MCPH1: variants seen among roughly 807,000 people sequenced by gnomAD.
The protein encoded by MCPH1 is microcephalin.
MCPH1 carries 104 observed loss-of-function variants against 84.5 expected under a neutral mutation model. The ratio of observed to expected loss-of-function variants is 1.23; its 90% CI spans 1.05 to 1.45. The LOEUF (loss-of-function observed/expected upper bound fraction) is 1.45. Among genes scored for constraint, MCPH1 ranks in the 40% most tolerant of loss-of-function variants. The probability of loss-of-function intolerance (pLI) is 0.00; values close to 1 mark genes in which losing one functional copy is unlikely to be tolerated. For synonymous variants in MCPH1, 514 were observed against 366.8 expected, an observed-to-expected ratio of 1.40 and a Z score of -4.58; for missense variants, 1,498 against 1,005.7, an observed-to-expected ratio of 1.49 and a Z score of -6.62.
At chr8:6,632,775 C>T (rs139060989) in intron 13 of MCPH1, among the ~76,000 whole-genome samples, 89 of 152,088 alleles carry the variant, frequency 5.9e-4, no homozygotes, top group African/African-American at 1.9e-3. Context: ...CGCCATTGCA[C>T]TCCAGCCTAG....
rs1828718543 is a variant in MCPH1, at chr8:6,593,952, G to A, written c.2215-27502G>A. 2.0e-5 allele frequency among the ~76,000 whole-genome samples: 3 copies of A among 152,236 alleles called. No homozygotes were observed. In the South Asian group the frequency reaches 6.2e-4, roughly 32 times the overall value. ...CTGGCACTCTGTCAGGTAGACAGAA[G>A]CATGGATAGAAGGCTGGTGGTGAGC... On this transcript the variant is annotated intron_variant, in intron 12 of 13. Coordinates refer to ENST00000344683, the MANE Select transcript of MCPH1 (RefSeq NM_024596.5).
intron 2 of MCPH1, among the ~76,000 whole-genome samples, chr8:6,411,431 G>C (rs1034982099): frequency 1.3e-5 from 2 of 152,230 alleles, no homozygotes; most frequent in African/African-American, 4.8e-5. Flanking sequence ...CTAATTTTCA[G>C]CCGTAAAGTG....
At chr8:6,495,636 C>T (rs1033153291) in intron 11 of MCPH1, among the ~76,000 whole-genome samples, 9 of 152,094 alleles carry the variant, frequency 5.9e-5, no homozygotes, top group East Asian at 3.8e-4. Context: ...ACTTTTGTTA[C>T]GCTTATAATA....
At chr8:6,447,697 C>G (rs1421117687) in intron 8 of MCPH1, among the ~76,000 whole-genome samples, 1 of 152,016 alleles carries the variant, frequency 6.6e-6, no homozygotes, top group Non-Finnish European at 1.5e-5. Context: ...TTACAGGCAC[C>G]CATCACCATG....
intron 12 of MCPH1, among the ~76,000 whole-genome samples, chr8:6,572,459 C>A (rs890465006): frequency 2.0e-5 from 3 of 152,178 alleles, no homozygotes; most frequent in Non-Finnish European, 2.9e-5. Context: ...ATTGTTATTA[C>A]AATTGTTAAT....
At chr8:6,627,416 G>A (rs1050013010) in intron 13 of MCPH1, 7 of 344,908 alleles carry the variant, frequency 2.0e-5, no homozygotes, top group East Asian at 1.7e-4. Context: ...TCCACACCCA[G>A]GAGCTCAGCA....
intron 12 of MCPH1, among the ~76,000 whole-genome samples, chr8:6,547,794 G>C (rs78526720): frequency 0.011 from 1,681 of 152,238 alleles, 41 homozygotes; most frequent in African/African-American, 0.038. Flanking sequence ...TGGGAATGCG[G>C]GGCCAGGGGA....
rs1303977549 is a variant in MCPH1, at chr8:6,505,427, AAT to A, written c.2214+5507_2214+5508del. 2.4e-3 allele frequency among the ~76,000 whole-genome samples: 173 copies of A among 73,400 alleles called. 26 individuals are homozygous for A. Among genetic ancestry groups the A allele is most frequent in the African/African-American group, 7.9e-3 (168 of 21,172 alleles). The allele number at this position is 73,400 out of a possible 152,430, so 48.2% of individuals were successfully genotyped here. On this transcript the variant is annotated intron_variant, in intron 12 of 13. Coordinates refer to ENST00000344683, the MANE Select transcript of MCPH1 (RefSeq NM_024596.5). ...ATATATATTCTTTATATACATAAAG[AAT>A]ATATATATTCTTTATATACATATAG...
chr8:6,505,469 T>TTATG (rs1214045524), intron 12 of MCPH1, among the ~76,000 whole-genome samples: 75 of 72,542 alleles, frequency 1.0e-3, no homozygotes, highest in African/African-American at 3.2e-3. Flanking sequence ...TATATATTCT[T>TTATG]TACATATATA....
chr8:6,453,843 G>C (rs1440109653), intron 8 of MCPH1, among the ~76,000 whole-genome samples: 1 of 152,186 alleles, frequency 6.6e-6, no homozygotes, highest in Non-Finnish European at 1.5e-5. Context: ...GTCAGGATGT[G>C]ACTGGTTTGA....
chr8:6,541,117 C>G (rs1208865324), intron 12 of MCPH1, among the ~76,000 whole-genome samples: 2 of 152,210 alleles, frequency 1.3e-5, no homozygotes, highest in African/African-American at 2.4e-5. Flanking sequence ...AGGCCTGAGG[C>G]AAGGCCTGTC....
intron 12 of MCPH1, among the ~76,000 whole-genome samples, chr8:6,610,014 A>G (rs1171670405): frequency 6.6e-6 from 1 of 152,084 alleles, no homozygotes; most frequent in Admixed American, 6.5e-5. Context: ...GATTATATAA[A>G]CGATACTCCC....
At chr8:6,555,356 C>G (rs1179247271) in intron 12 of MCPH1, among the ~76,000 whole-genome samples, 1 of 152,192 alleles carries the variant, frequency 6.6e-6, no homozygotes, top group Admixed American at 6.5e-5. Context: ...GCGTTTCCCC[C>G]TGTCAACTTC....
chr8:6,553,953 T>G (rs148706546), intron 12 of MCPH1, among the ~76,000 whole-genome samples: 1 of 152,174 alleles, frequency 6.6e-6, no homozygotes, highest in Non-Finnish European at 1.5e-5. Flanking sequence ...AGAAATCTTC[T>G]GTGTGTAGCA....
chr8:6,417,614 T>A (rs948611208), intron 3 of MCPH1, among the ~76,000 whole-genome samples: 1 of 152,220 alleles, frequency 6.6e-6, no homozygotes, highest in Non-Finnish European at 1.5e-5. Flanking sequence ...ATTTGAGATA[T>A]TTTTGATTTC....
intron 13 of MCPH1, chr8:6,625,087 C>G (rs1251819878): frequency 1.5e-6 from 1 of 659,362 alleles, no homozygotes; most frequent in Non-Finnish European, 1.9e-6. Flanking sequence ...GTTGGCCAGG[C>G]TGGTCTCAAA....
At chr8:6,515,071 C>G (rs1815988692) in intron 12 of MCPH1, among the ~76,000 whole-genome samples, 1 of 151,114 alleles carries the variant, frequency 6.6e-6, no homozygotes, top group Non-Finnish European at 1.5e-5. Flanking sequence ...ACCCTGATGG[C>G]TGGTCCAGAG....
At chr8:6,489,392 G>T (rs1476522843) in intron 11 of MCPH1, among the ~76,000 whole-genome samples, 1 of 152,210 alleles carries the variant, frequency 6.6e-6, no homozygotes, top group South Asian at 2.1e-4. Flanking sequence ...TCAGTCAGAA[G>T]GGGGACTGTC....
intron 12 of MCPH1, among the ~76,000 whole-genome samples, chr8:6,523,847 A>G (rs771315815): frequency 4.6e-5 from 7 of 151,162 alleles, no homozygotes; most frequent in Non-Finnish European, 1.0e-4. Context: ...TCGGCCTTCC[A>G]AAGTGCTGGA....
Sources: gnomAD v4.1 joint callset for allele counts (sites outside exome capture counted in the v4.1 genomes callset) on GRCh38, gnomAD v4.1.1 for gene constraint, MANE v1.5 for transcripts, NCBI Gene and HGNC (gene_info 2026-07-23, HGNC 2026-07-21) for gene names.